The following ZIM2 variants were observed in gnomAD, a reference collection of about 807,000 sequenced individuals.
The protein encoded by ZIM2 is zinc finger imprinted 2.
In ZIM2, 14 loss-of-function variants were observed where a neutral mutation model predicts 38.6. The ratio of observed to expected loss-of-function variants is 0.36; its 90% CI spans 0.24 to 0.57. The LOEUF (loss-of-function observed/expected upper bound fraction) is 0.57. ZIM2 is among the 20% of genes least tolerant of loss of function. The pLI is 0.81. For synonymous variants in ZIM2, 247 were observed against 245.8 expected, an observed-to-expected ratio of 1.00 and a Z score of -0.04; for missense variants, 680 against 695.1, an observed-to-expected ratio of 0.98 and a Z score of 0.24.
intron 9 of ZIM2, chr19:56,799,554 T>C (rs933774624): frequency 6.6e-6 from 1 of 152,050 alleles, no homozygotes; most frequent in African/African-American, 2.4e-5. Flanking sequence ...ATGGCACACA[T>C]TTACCTATGT....
intron 9 of ZIM2, among the ~76,000 whole-genome samples, chr19:56,806,651 G>T (rs114913541): frequency 1.4e-4 from 21 of 152,198 alleles, no homozygotes; most frequent in Non-Finnish European, 2.6e-4. Context: ...ACATACTGCT[G>T]TGGTCTGAAT....
chr19:56,822,898 T>G, intron 5 of ZIM2, 62 bp from the exon 6 acceptor site: 5 of 1,569,458 alleles, frequency 3.2e-6, no homozygotes, highest in Non-Finnish European at 4.3e-6. Flanking sequence ...TTTCCCTGCA[T>G]GTGCACAAAC....
rs1303296520 is a variant in ZIM2 at position 56,779,421 on chromosome 19, G to A, written c.791C>T (p.Ser264Leu). ...TCTGCTGTCTGTCTCCATTGCATAT[G>A]ATTCCTCCTCTTCCAGGCGTGAGAT... The part of the protein sequence containing the change: ...DIISRLEEEE[S>L]YAMETDSRHT... The change falls in exon 12 of 13, where the codon TCA becomes TTA. Residue 264 changes from serine (S) to leucine (L), a missense_variant. Transcript: ENST00000629319. 1.2e-6 allele frequency: 2 copies of A among 1,613,978 alleles called. No individual in the cohort carries two copies. The highest frequency in any genetic ancestry group is 1.1e-5 in the South Asian group (1 of 91,068).
intron 9 of ZIM2, among the ~76,000 whole-genome samples, chr19:56,801,517 C>T (rs763810562): frequency 2.6e-5 from 4 of 152,138 alleles, no homozygotes; most frequent in East Asian, 1.9e-4. Context: ...AGCTTTATAA[C>T]GGAAAGTCTC....
Position 56,795,601 on chromosome 19 carries a change from T to G in ZIM2, c.491-5650A>C, listed in dbSNP as rs1465416192. The stretch of plus-strand genomic sequence containing the variant: ...GGAACCACAGCCGCTCCTGGCCAAG[T>G]GCCCTGTGAGACACGAGGATAGGGT... On this transcript the variant is annotated intron_variant, in intron 9 of 12. Coordinates refer to ENST00000629319, the MANE Select transcript of ZIM2 (RefSeq NM_001387356.1). Among the ~76,000 whole-genome samples the G allele has an allele frequency of 5.3e-5, 8 of 152,276 alleles. No homozygotes were observed. The East Asian group carries it at 9.7e-4, about 18-fold the overall frequency.
chr19:56,805,834 G>A (rs751364839), intron 9 of ZIM2, among the ~76,000 whole-genome samples: 43 of 152,196 alleles, frequency 2.8e-4, no homozygotes, highest in Admixed American at 4.6e-4. Flanking sequence ...GCCCTAGAAA[G>A]GATACTGTAC....
intron 9 of ZIM2, among the ~76,000 whole-genome samples, chr19:56,806,901 A>T (rs1490978998): frequency 2.0e-5 from 3 of 152,192 alleles, no homozygotes; most frequent in African/African-American, 7.2e-5. Context: ...ATTTGCTGGC[A>T]CCTTGATCTT....
At chr19:56,779,993 C>T (rs1473820055) in intron 11 of ZIM2, among the ~76,000 whole-genome samples, 1 of 152,116 alleles carries the variant, frequency 6.6e-6, no homozygotes, top group East Asian at 1.9e-4. Context: ...CATTTGCATA[C>T]CAAATTATTA....
intron 10 of ZIM2, among the ~76,000 whole-genome samples, chr19:56,789,579 G>GA (rs1008547531): frequency 6.6e-6 from 1 of 151,756 alleles, no homozygotes; most frequent in Non-Finnish European, 1.5e-5. Flanking sequence ...TCAAAAGACA[G>GA]AAAAAAAGGA....
chr19:56,825,701 T>C (rs1281757614), intron 3 of ZIM2, among the ~76,000 whole-genome samples: 1 of 152,178 alleles, frequency 6.6e-6, no homozygotes, highest in Admixed American at 6.5e-5. Context: ...GAAAGAAATC[T>C]AGGTCTGGGA....
At chr19:56,829,376 A>G (rs1411495340) in intron 2 of ZIM2, among the ~76,000 whole-genome samples, 1 of 151,712 alleles carries the variant, frequency 6.6e-6, no homozygotes, top group Non-Finnish European at 1.5e-5. Context: ...GCTGCACACT[A>G]TGGTTTAACC....
rs759574202 is a variant in ZIM2 at position 56,790,691 on chromosome 19, CTAAT to C, written c.491-744_491-741del. Among the ~76,000 whole-genome samples, 230 of 152,206 alleles carry C rather than the reference CTAAT, an allele frequency of 1.5e-3. 1 individual carries two copies. Among genetic ancestry groups the C allele is most frequent in the Non-Finnish European group, 2.5e-3 (168 of 67,998 alleles). The stretch of plus-strand genomic sequence containing the variant: ...ACTAGTTGTTAATATCGTACTGTGC[CTAAT>C]TAATAAACTTCGTCACAGATATGTA... On this transcript the variant is annotated intron_variant, in intron 9 of 12. Coordinates refer to ENST00000629319, the MANE Select transcript of ZIM2 (RefSeq NM_001387356.1).
intron 10 of ZIM2, among the ~76,000 whole-genome samples, chr19:56,785,319 G>C (rs186293784): frequency 2.2e-4 from 34 of 152,228 alleles, no homozygotes; most frequent in Admixed American, 5.2e-4. Context: ...TAGGGACAGA[G>C]GGCTACTCTC....
chr19:56,825,525 A>G (rs1214238252), intron 3 of ZIM2, among the ~76,000 whole-genome samples: 1 of 151,870 alleles, frequency 6.6e-6, no homozygotes, highest in Non-Finnish European at 1.5e-5. Context: ...CATTTTTTAA[A>G]CTTTTGAGAT....
chr19:56,815,321 CA>C, intron 9 of ZIM2: 1 of 1,614,176 alleles, frequency 6.2e-7, no homozygotes, highest in Non-Finnish European at 8.5e-7. Flanking sequence ...TCGCTGGTAG[CA>C]AAAAATTGTC....
intron 9 of ZIM2, among the ~76,000 whole-genome samples, chr19:56,795,997 C>A (rs570315332): frequency 3.3e-5 from 5 of 152,126 alleles, no homozygotes; most frequent in Middle Eastern, 3.4e-3. Flanking sequence ...CAGTGAAAAC[C>A]CTTCCTCACA....
chr19:56,815,311 T>C (rs750630097), intron 9 of ZIM2: 1 of 1,614,254 alleles, frequency 6.2e-7, no homozygotes, highest in Admixed American at 1.7e-5. Flanking sequence ...GTTGAGGTCT[T>C]CGCTGGTAGC....
Position 56,840,211 on chromosome 19 carries a change from C to T in ZIM2, c.-314+371G>A, listed in dbSNP as rs182136510. Among the ~76,000 whole-genome samples, 1,053 of 152,332 alleles carry T rather than the reference C, an allele frequency of 6.9e-3. 10 individuals carry two copies. Among genetic ancestry groups the T allele is most frequent in the African/African-American group, 0.024 (1,007 of 41,586 alleles). On this transcript the variant is annotated intron_variant, in intron 1 of 12. Transcript: ENST00000629319. ...CTTGCTGGACTTGCCGTGGCAGAGC[C>T]CCCGGCTGTCTGCCCTAATGCCCCC... is the stretch of plus-strand genomic sequence containing the variant.
At chr19:56,791,020 C>T (rs889803089) in intron 9 of ZIM2, 2 of 152,116 alleles carry the variant, frequency 1.3e-5, no homozygotes, top group African/African-American at 4.8e-5. Context: ...TCGGTAAACC[C>T]TTCATTAATC....
Sources: allele counts gnomAD v4.1 joint callset (sites outside exome capture counted in the v4.1 genomes callset), GRCh38; gene constraint gnomAD v4.1.1; transcripts MANE v1.5; gene names NCBI Gene and HGNC (gene_info 2026-07-23, HGNC 2026-07-21).